HEATR4: variants seen among roughly 807,000 people sequenced by gnomAD.
HEATR4 encodes HEAT repeat-containing protein 4.
Under a neutral mutation model 108.8 loss-of-function variants are expected in HEATR4, and 95 were observed. That is an observed-to-expected ratio of 0.87 (90% CI 0.74 to 1.04). The LOEUF is 1.04. Among genes scored for constraint, HEATR4 ranks in the 50% least tolerant of loss-of-function variants. The probability of loss-of-function intolerance (pLI) is 0.00; values close to 1 mark genes in which losing one functional copy is unlikely to be tolerated. For missense variants in HEATR4, 1,152 were observed against 1,253.8 expected, an observed-to-expected ratio of 0.92 and a Z score of 1.23; for synonymous variants, 443 against 459.4, an observed-to-expected ratio of 0.96 and a Z score of 0.46.
At chr14:73,504,755 G>A (rs996979926) in intron 10 of HEATR4, among the ~76,000 whole-genome samples, 2 of 152,184 alleles carry the variant, frequency 1.3e-5, no homozygotes, top group Non-Finnish European at 2.9e-5. Context: ...GAATGGCAAT[G>A]TTCTGGGCTA....
At chr14:73,590,070 A>G in the HEATR4 span, among the ~76,000 whole-genome samples, 1 of 152,116 alleles carries the variant, frequency 6.6e-6, no homozygotes. Context: ...AAATAGAACA[A>G]ACCTTCCCGC....
the HEATR4 span, among the ~76,000 whole-genome samples, chr14:73,564,721 G>GTTTTTTTTTTTTTTTTT: frequency 3.6e-5 from 3 of 83,548 alleles, no homozygotes; most frequent in Non-Finnish European, 4.3e-5. Context: ...TATCTTTTCT[G>GTTTTTTTTTTTTTTTTT]TTTTTTGTTT....
In HEATR4 at chr14:73,508,146, CAGAT is replaced by C; in HGVS notation, c.1865_1868del (p.Tyr622Ter). On this transcript the variant is annotated frameshift_variant, in exon 9 of 18. Coordinates refer to ENST00000553558, the MANE Select transcript of HEATR4 (RefSeq NM_001220484.1). LOFTEE classifies it high-confidence loss of function. ...AATGGACACATACTGTCTTCTCACT[CAGAT>C]AGCTCAGGAGGATATAAGACTGTTC... 1 of 1,614,084 alleles carries C rather than the reference CAGAT, an allele frequency of 6.2e-7. No homozygotes were observed. Among genetic ancestry groups the C allele is most frequent in the Non-Finnish European group, 8.5e-7 (1 of 1,179,938 alleles).
the HEATR4 span, among the ~76,000 whole-genome samples, chr14:73,623,226 CA>C: frequency 1.7e-4 from 26 of 152,158 alleles, no homozygotes; most frequent in African/African-American, 6.3e-4. Context: ...GTGGTTTACG[CA>C]AAGAAGGAGA....
chr14:73,492,119 G>T lies in HEATR4; in HGVS notation c.2844+947C>A. ...ATACCGACCCCGAGTCCCAACCGAG[G>T]AACTGGCTCTGACATCCAGCCCCAA... On this transcript the variant is annotated intron_variant, in intron 17 of 17. Coordinates refer to ENST00000553558, the MANE Select transcript of HEATR4 (RefSeq NM_001220484.1). This position sits in a 1 kb window ranked among gnomAD's most constrained non-coding sequence, Gnocchi z 4.9. The T allele has an allele frequency of 6.2e-7, 1 of 1,613,936 alleles. No individual in the cohort carries two copies. Among genetic ancestry groups the T allele is most frequent in the Non-Finnish European group, 8.5e-7 (1 of 1,179,838 alleles).
the HEATR4 span, among the ~76,000 whole-genome samples, chr14:73,620,579 T>G: frequency 6.6e-6 from 1 of 152,078 alleles, no homozygotes; most frequent in Admixed American, 6.5e-5. Flanking sequence ...CATTCTTTTT[T>G]TTTTTGAGAC....
intron 11 of HEATR4, 77 bp downstream of exon 11, chr14:73,502,818 A>T: frequency 9.3e-7 from 1 of 1,074,854 alleles, no homozygotes; most frequent in Non-Finnish European, 1.4e-6. Flanking sequence ...AAGTGTTGGG[A>T]GCCACCTTGC....
At chr14:73,559,008 A>G (rs1212716788), upstream of HEATR4, 1 of 151,994 alleles carries the variant, frequency 6.6e-6, no homozygotes, top group Non-Finnish European at 1.5e-5. Context: ...GTCTACTCAG[A>G]GAACTTGTGG....
the HEATR4 span, among the ~76,000 whole-genome samples, chr14:73,624,529 G>A: frequency 4.6e-5 from 7 of 152,110 alleles, no homozygotes; most frequent in Non-Finnish European, 8.8e-5. Flanking sequence ...TTTAGTGTAG[G>A]AGGACAAGGC....
At chr14:73,503,577 C>T (rs1276872711) in intron 10 of HEATR4, among the ~76,000 whole-genome samples, 2 of 152,202 alleles carry the variant, frequency 1.3e-5, no homozygotes, top group Non-Finnish European at 2.9e-5. Flanking sequence ...TACTTGATGT[C>T]TTTGTAGTCT....
At chr14:73,493,343 T>C (rs913402502) in intron 16 of HEATR4, 10 of 503,926 alleles carry the variant, frequency 2.0e-5, no homozygotes, top group Non-Finnish European at 3.2e-5. Context: ...CTGTTTGTTA[T>C]TGTTAAATTT....
chr14:73,597,330 C>T, the HEATR4 span, among the ~76,000 whole-genome samples: 22 of 151,310 alleles, frequency 1.5e-4, no homozygotes, highest in East Asian at 4.0e-4. Context: ...GTGATCCACC[C>T]GCCTCGGCCT....
chr14:73,598,531 G>A, the HEATR4 span, among the ~76,000 whole-genome samples: 2 of 152,082 alleles, frequency 1.3e-5, no homozygotes, highest in Non-Finnish European at 2.9e-5. Flanking sequence ...GGATTCTACC[G>A]TGTTTGCCAG....
chr14:73,506,542 C>G lies in HEATR4; in HGVS notation c.1911G>C (p.Glu637Asp). 6.2e-7 allele frequency: 1 copy of G among 1,613,716 alleles called. No homozygotes were observed. The highest frequency in any genetic ancestry group is 8.5e-7 in the Non-Finnish European group (1 of 1,179,968). ...TTLIHTMLAV[E>D]LNSCQWKNRI... ...GGTTCTTCCATTGACAGCTGTTCAG[C>G]TCCACAGCAAGCATGGTGTGTATCA... is the stretch of plus-strand genomic sequence containing the variant. Residue 637 changes from glutamate to aspartate, a missense_variant, in exon 10 of 18, where the codon GAG becomes GAC. By Grantham distance (45) the Glu-to-Asp change is conservative. Coordinates refer to ENST00000553558, the MANE Select transcript of HEATR4 (RefSeq NM_001220484.1).
chr14:73,616,184 T>C, the HEATR4 span, among the ~76,000 whole-genome samples: 2 of 152,042 alleles, frequency 1.3e-5, no homozygotes, highest in Admixed American at 1.3e-4. Context: ...CCCAGGCTGG[T>C]CGTGAATTCC....
At chr14:73,593,765 G>A in the HEATR4 span, 9 of 1,613,706 alleles carry the variant, frequency 5.6e-6, no homozygotes, top group East Asian at 2.2e-5. Flanking sequence ...TTGGAATATC[G>A]AGCCAGCCTC....
At chr14:73,511,540 TAAA>T (rs1294707939) in intron 7 of HEATR4, among the ~76,000 whole-genome samples, 1 of 126,826 alleles carries the variant, frequency 7.9e-6, no homozygotes, top group East Asian at 2.3e-4. Context: ...AATAAATAAA[TAAA>T]TAAATAAATA....
the HEATR4 span, among the ~76,000 whole-genome samples, chr14:73,618,381 T>C: frequency 6.8e-6 from 1 of 146,294 alleles, no homozygotes; most frequent in South Asian, 2.1e-4. Flanking sequence ...CTTTTCTGGG[T>C]TCGTCGGTGT....
At chr14:73,509,102 G>A (rs746094943) in intron 8 of HEATR4, among the ~76,000 whole-genome samples, 2 of 152,108 alleles carry the variant, frequency 1.3e-5, no homozygotes, top group Non-Finnish European at 2.9e-5. Context: ...CCTATGCTCA[G>A]GTGATCCTGT....
Sources: allele counts gnomAD v4.1 joint callset (sites outside exome capture counted in the v4.1 genomes callset), GRCh38; gene constraint gnomAD v4.1.1; non-coding constraint Gnocchi (gnomAD v3.1); transcripts MANE v1.5; gene names NCBI Gene and HGNC (gene_info 2026-07-23, HGNC 2026-07-21).